HCN1: variants seen among roughly 807,000 people sequenced by gnomAD.
HCN1 encodes potassium/sodium hyperpolarization-activated cyclic nucleotide-gated channel 1.
A neutral mutation model predicts 78.9 loss-of-function variants in HCN1; 13 were observed. The observed-to-expected ratio is 0.16, with a 90% CI of 0.11 to 0.26. HCN1 has a LOEUF of 0.26. Ranked by LOEUF, HCN1 falls within the 10% of genes least tolerant of loss-of-function variation. The pLI, the probability that HCN1 is intolerant of heterozygous loss-of-function variation, is 1.00. For missense variants in HCN1, 810 were observed against 1,154.3 expected, an observed-to-expected ratio of 0.70 and a Z score of 4.32; for synonymous variants, 552 against 455.5, an observed-to-expected ratio of 1.21 and a Z score of -2.70.
intron 2 of HCN1, among the ~76,000 whole-genome samples, chr5:45,639,350 A>G (rs1373948329): frequency 6.6e-6 from 1 of 152,216 alleles, no homozygotes; most frequent in African/African-American, 2.4e-5. Flanking sequence ...CTAATTTCAG[A>G]AAGATGTCAT....
At chr5:45,284,819 C>T (rs1182234479) in intron 6 of HCN1, among the ~76,000 whole-genome samples, 1 of 152,050 alleles carries the variant, frequency 6.6e-6, no homozygotes, top group Non-Finnish European at 1.5e-5. Flanking sequence ...TTTGAAGTCA[C>T]AGTCATTAAT....
At chr5:45,415,900 A>C (rs1011603475) in intron 3 of HCN1, among the ~76,000 whole-genome samples, 2 of 152,024 alleles carry the variant, frequency 1.3e-5, no homozygotes, top group African/African-American at 4.8e-5. Context: ...TGACTTAATA[A>C]CAGTATACAA....
At chr5:45,656,236 G>T (rs776792192) in intron 1 of HCN1, among the ~76,000 whole-genome samples, 1 of 152,108 alleles carries the variant, frequency 6.6e-6, no homozygotes, top group Non-Finnish European at 1.5e-5. Flanking sequence ...GAGTTCCGGG[G>T]GTTGCATGGC....
intron 2 of HCN1, among the ~76,000 whole-genome samples, chr5:45,562,521 C>CAAACAAACAAA (rs11283021): frequency 0.5 from 75,010 of 151,382 alleles, 19,750 homozygotes; most frequent in African/African-American, 0.68. Context: ...AACAAACAAA[C>CAAACAAACAAA]AAACAAAAAA....
At chr5:45,586,451 T>C (rs925242640) in intron 2 of HCN1, among the ~76,000 whole-genome samples, 10 of 152,086 alleles carry the variant, frequency 6.6e-5, no homozygotes, top group Non-Finnish European at 1.5e-4. Flanking sequence ...GAAAGGGAAT[T>C]CCCTGACCCC....
At chr5:45,403,990 T>G (rs1317595833) in intron 3 of HCN1, among the ~76,000 whole-genome samples, 2 of 152,192 alleles carry the variant, frequency 1.3e-5, no homozygotes, top group Non-Finnish European at 2.9e-5. Flanking sequence ...ATTATTACAT[T>G]ACACTGCTCT....
chr5:45,563,051 G>GT (rs1466921052), intron 2 of HCN1, among the ~76,000 whole-genome samples: 3 of 152,130 alleles, frequency 2.0e-5, no homozygotes, highest in Non-Finnish European at 2.9e-5. Flanking sequence ...ACATTTTGAA[G>GT]TTTTTTTCTG....
intron 6 of HCN1, among the ~76,000 whole-genome samples, chr5:45,288,114 C>T (rs1745303336): frequency 6.6e-6 from 1 of 152,010 alleles, no homozygotes; most frequent in South Asian, 2.1e-4. Context: ...ACACTCTTAA[C>T]CAGTATCCTC....
At chr5:45,672,823 A>T (rs1214442459) in intron 1 of HCN1, among the ~76,000 whole-genome samples, 1 of 151,144 alleles carries the variant, frequency 6.6e-6, no homozygotes, top group Non-Finnish European at 1.5e-5. Context: ...CTTTTTTTTT[A>T]AATAAACCTT....
chr5:45,331,960 T>G (rs1000861640), intron 5 of HCN1, among the ~76,000 whole-genome samples: 1 of 151,504 alleles, frequency 6.6e-6, no homozygotes, highest in Non-Finnish European at 1.5e-5. Flanking sequence ...AATTTAACAA[T>G]GTGAAGCTCT....
chr5:45,606,618 A>C (rs994404608), intron 2 of HCN1, among the ~76,000 whole-genome samples: 1 of 151,948 alleles, frequency 6.6e-6, no homozygotes, highest in African/African-American at 2.4e-5. Flanking sequence ...CCGGATTAAA[A>C]CCCATCCCAC....
intron 3 of HCN1, among the ~76,000 whole-genome samples, chr5:45,447,362 C>T (rs1378891058): frequency 5.9e-5 from 9 of 152,288 alleles, no homozygotes; most frequent in South Asian, 2.1e-4. Flanking sequence ...CCTACTTAAG[C>T]CTCTTGAGTA....
chr5:45,463,452 G>C (rs1420024551), intron 2 of HCN1, among the ~76,000 whole-genome samples: 1 of 151,864 alleles, frequency 6.6e-6, no homozygotes, highest in Non-Finnish European at 1.5e-5. Flanking sequence ...AAAGAAAGTT[G>C]GCAGTTCTAA....
At chr5:45,426,107 T>C (rs1426914508) in intron 3 of HCN1, among the ~76,000 whole-genome samples, 2 of 152,200 alleles carry the variant, frequency 1.3e-5, no homozygotes, top group South Asian at 2.1e-4. Context: ...TTCTCTGTAG[T>C]TAATTCCATT....
intron 3 of HCN1, among the ~76,000 whole-genome samples, chr5:45,407,043 A>C (rs1335701610): frequency 6.6e-6 from 1 of 152,198 alleles, no homozygotes; most frequent in Non-Finnish European, 1.5e-5. Context: ...CCAGAGTATG[A>C]AAGGTGCAGA....
chr5:45,326,204 T>C (rs1746230558), intron 5 of HCN1, among the ~76,000 whole-genome samples: 1 of 151,640 alleles, frequency 6.6e-6, no homozygotes, highest in African/African-American at 2.4e-5. Context: ...ACCCCATAAA[T>C]ACATACACCT....
intron 5 of HCN1, among the ~76,000 whole-genome samples, chr5:45,308,835 T>C (rs1284217545): frequency 6.6e-6 from 1 of 152,064 alleles, no homozygotes; most frequent in East Asian, 1.9e-4. Flanking sequence ...CTTAGGATTG[T>C]CTTGGCTATT....
chr5:45,563,803 A>G (rs1235256929), intron 2 of HCN1, among the ~76,000 whole-genome samples: 1 of 152,162 alleles, frequency 6.6e-6, no homozygotes, highest in African/African-American at 2.4e-5. Context: ...TGTCTAATTC[A>G]CCCAATAACC....
At chr5:45,586,125 G>C (rs1471723382) in intron 2 of HCN1, among the ~76,000 whole-genome samples, 1 of 152,172 alleles carries the variant, frequency 6.6e-6, no homozygotes, top group African/African-American at 2.4e-5. Flanking sequence ...CCCAGAGGTG[G>C]AGTCTACAGA....
Sources: allele counts gnomAD v4.1 joint callset (sites outside exome capture counted in the v4.1 genomes callset), GRCh38; gene constraint gnomAD v4.1.1; transcripts MANE v1.5; gene names NCBI Gene and HGNC (gene_info 2026-07-23, HGNC 2026-07-21).